ATF7IP: variants seen among roughly 807,000 people sequenced by gnomAD.
ATF7IP encodes the protein activating transcription factor 7 interacting protein, also known as activating transcription factor 7-interacting protein 1.
ATF7IP carries 23 observed loss-of-function variants against 106.4 expected under a neutral mutation model. That is an observed-to-expected ratio of 0.22 (90% CI 0.16 to 0.31). ATF7IP has a LOEUF of 0.31. Ranked by LOEUF, ATF7IP falls within the 10% of genes least tolerant of loss-of-function variation. The pLI, the probability that ATF7IP is intolerant of heterozygous loss-of-function variation, is 1.00. For synonymous variants in ATF7IP, 542 were observed against 539.0 expected (o/e 1.01, Z -0.08); for missense variants, 1,334 against 1,524.3 (o/e 0.88, Z 2.08).
rs555583543 is a variant in ATF7IP, at chr12:14,396,104, A to C, written c.-7-27805A>C. Among the ~76,000 whole-genome samples, 3 of 152,310 alleles carry C rather than the reference A, an allele frequency of 2.0e-5. No homozygotes were observed. In the East Asian group the frequency reaches 5.8e-4, roughly 29 times the overall value. On this transcript the variant is annotated intron_variant, in intron 1 of 14. Transcript: ENST00000261168. ...CAGAAATATATTACTGATTGTAATA[A>C]TTTTTGGAGGGTGGGTGAAGAGTTG...
intron 1 of ATF7IP, among the ~76,000 whole-genome samples, chr12:14,377,830 T>G (rs1938818097): frequency 6.6e-6 from 1 of 151,864 alleles, no homozygotes; most frequent in Admixed American, 6.6e-5. Context: ...GTCAGGCTGG[T>G]CTCGAGCTCC....
chr12:14,438,413 G>T, intron 5 of ATF7IP, 146 bp downstream of exon 5: 1 of 780,668 alleles, frequency 1.3e-6, no homozygotes. Flanking sequence ...TGCCAGGGCT[G>T]CTGTAAAGAA....
intron 1 of ATF7IP, among the ~76,000 whole-genome samples, chr12:14,376,838 A>G (rs888258136): frequency 3.9e-5 from 6 of 152,162 alleles, no homozygotes; most frequent in African/African-American, 1.4e-4. Flanking sequence ...AGGCAGGAGA[A>G]TCGTTTGAAT....
intron 13 of ATF7IP, among the ~76,000 whole-genome samples, chr12:14,485,346 A>G (rs1415389279): frequency 6.6e-6 from 1 of 151,872 alleles, no homozygotes; most frequent in Non-Finnish European, 1.5e-5. Context: ...GAAGGGCCAG[A>G]TGCAGCAACT....
intron 4 of ATF7IP, among the ~76,000 whole-genome samples, chr12:14,436,699 T>TAATG (rs1294559159): frequency 1.3e-5 from 2 of 151,578 alleles, no homozygotes; most frequent in Non-Finnish European, 2.9e-5. Context: ...CTCAAAAAAA[T>TAATG]AATAAATAAA....
At chr12:14,457,116 T>C in intron 7 of ATF7IP, 91 bp from the exon 8 acceptor site, 1 of 1,100,730 alleles carries the variant, frequency 9.1e-7, no homozygotes. Context: ...CCACCCTTTT[T>C]CCCCTGTGGG....
At position 14,498,942 on chromosome 12, in the gene ATF7IP, G is replaced by C. The variant is rs537363506; in HGVS notation, c.*869G>C. On this transcript the variant is annotated 3_prime_UTR_variant, in exon 15 of 15. Transcript: ENST00000261168. ...GCTCACTGCAACCTCTGCCTCCTGG[G>C]TTCAAGCAATTCTTCTGTCTCAGCC... 4.1e-4 allele frequency: 62 copies of C among 152,328 alleles called. No individual in the cohort carries two copies. Among genetic ancestry groups the C allele is most frequent in the African/African-American group, 1.4e-3 (60 of 41,500 alleles). The allele number at this position is 152,328 out of a possible 1,614,324, so 9.4% of individuals were successfully genotyped here. A position where few individuals can be genotyped will look rare whatever the true frequency, so the allele number is the denominator to read the frequency against.
chr12:14,439,700 GT>G (rs1470626177), intron 5 of ATF7IP, among the ~76,000 whole-genome samples: 1 of 152,168 alleles, frequency 6.6e-6, no homozygotes, highest in East Asian at 1.9e-4. Flanking sequence ...GAGTGTGGTA[GT>G]GCATGCCTGT....
At chr12:14,480,460 A>T (rs1944395606) in intron 12 of ATF7IP, among the ~76,000 whole-genome samples, 1 of 152,212 alleles carries the variant, frequency 6.6e-6, no homozygotes, top group Non-Finnish European at 1.5e-5. Flanking sequence ...TGTTTTAAAA[A>T]AAGATAGATT....
chr12:14,370,878 A>G (rs1020212638), intron 1 of ATF7IP, among the ~76,000 whole-genome samples: 2 of 151,796 alleles, frequency 1.3e-5, no homozygotes, highest in Admixed American at 1.3e-4. Context: ...CGAAATCAAA[A>G]TCCTTTTTTG....
At chr12:14,480,603 C>T (rs1191810760) in intron 12 of ATF7IP, among the ~76,000 whole-genome samples, 4 of 152,186 alleles carry the variant, frequency 2.6e-5, no homozygotes, top group African/African-American at 7.2e-5. Context: ...TTTGGATTTA[C>T]ACCCCCTTGG....
At chr12:14,434,826 C>T (rs1468602072) in intron 3 of ATF7IP, among the ~76,000 whole-genome samples, 1 of 152,142 alleles carries the variant, frequency 6.6e-6, no homozygotes, top group African/African-American at 2.4e-5. Flanking sequence ...TGGCTCACCC[C>T]TGTAATGCCA....
At chr12:14,486,529 C>T (rs1591964251) in intron 13 of ATF7IP, among the ~76,000 whole-genome samples, 1 of 152,130 alleles carries the variant, frequency 6.6e-6, no homozygotes, top group East Asian at 1.9e-4. Flanking sequence ...GGTTATAATT[C>T]TCTTTTTATT....
Position 14,460,920 on chromosome 12 carries a change from A to G in ATF7IP, c.2584A>G (p.Ser862Gly). ...TAGTATTCAAAGGAACCCTACTGCC[A>G]GTGCTGCACCATTGGGAACAACACT... ...SPSIQRNPTA[S>G]AAPLGTTLAV... The change falls in exon 9 of 15, where the codon AGT becomes GGT. Residue 862 changes from serine (S) to glycine (G), a missense_variant. Physicochemically the swap from Ser to Gly is moderately conservative, Grantham distance 56. This residue lies in a region of ATF7IP where 370 missense variants were observed against 401.2 expected (regional missense o/e 0.92). Transcript: ENST00000261168. The G allele has an allele frequency of 2.5e-6, 4 of 1,614,186 alleles. No individual in the cohort carries two copies. The highest frequency in any genetic ancestry group is 2.5e-6 in the Non-Finnish European group (3 of 1,180,028).
intron 1 of ATF7IP, among the ~76,000 whole-genome samples, chr12:14,381,867 G>GTTTTTTTTT (rs55929147): frequency 1.3e-5 from 2 of 148,368 alleles, no homozygotes; most frequent in Non-Finnish European, 1.5e-5. Context: ...ATTAATTCTA[G>GTTTTTTTTT]TTTTTTTTTT....
rs187614263 is a variant in ATF7IP at position 14,391,458 on chromosome 12, A to G, written c.-8+25631A>G. On this transcript the variant is annotated intron_variant, in intron 1 of 14. Coordinates refer to ENST00000261168, the MANE Select transcript of ATF7IP (RefSeq NM_018179.5). Reference sequence around the variant, plus strand: ...ACATAGTGGAAAACATTAGTATAGAAGTTAGGAAAAGATTACTTCTGCTCT... The same window carrying G: ...ACATAGTGGAAAACATTAGTATAGAGGTTAGGAAAAGATTACTTCTGCTCT... Among the ~76,000 whole-genome samples, 9 of 152,332 alleles carry G rather than the reference A, an allele frequency of 5.9e-5. No homozygotes were observed. In the East Asian group the frequency reaches 1.5e-3, roughly 26 times the overall value.
rs774540428 is a variant in ATF7IP, at chr12:14,466,491, A to G, written c.2798-35A>G. Reference sequence around the variant, plus strand: ...AGCAACTTAACTTTTTACATTTTGTAGATGTTTTTAAAAATGGCTTTTTTT... The same window carrying G: ...AGCAACTTAACTTTTTACATTTTGTGGATGTTTTTAAAAATGGCTTTTTTT... On this transcript the variant is annotated intron_variant, in intron 9 of 14. Transcript: ENST00000261168. 6 of 1,541,358 alleles carry G rather than the reference A, an allele frequency of 3.9e-6. No individual in the cohort carries two copies. In the African/African-American group the frequency reaches 8.3e-5, roughly 21 times the overall value.
intron 1 of ATF7IP, among the ~76,000 whole-genome samples, chr12:14,418,881 A>C (rs1286662521): frequency 6.6e-6 from 1 of 152,092 alleles, no homozygotes; most frequent in Non-Finnish European, 1.5e-5. Context: ...ACTTTTCTTG[A>C]ATTATATATT....
In ATF7IP at chr12:14,423,889, C is replaced by CGA. The variant is rs1565497535; in HGVS notation, c.-7-20_-7-19insGA. On this transcript the variant is annotated intron_variant, in intron 1 of 14. Transcript: ENST00000261168. ...GCTTCTGTTTCAGTTATTAAACTCT[C>CGA]TTTCTCTTTTTTCTTAAAGATTCAG... is the stretch of plus-strand genomic sequence containing the variant. The CGA allele has an allele frequency of 3.2e-6, 5 of 1,549,074 alleles. No homozygotes were observed.
Sources: gnomAD v4.1 joint callset for allele counts (sites outside exome capture counted in the v4.1 genomes callset) on GRCh38, gnomAD v4.1.1 for gene constraint, gnomAD v4.1.1 regional missense constraint, MANE v1.5 for transcripts, NCBI Gene and HGNC (gene_info 2026-07-23, HGNC 2026-07-21) for gene names.